Variants in CAMSAP2 observed in about 807,000 individuals in gnomAD.
CAMSAP2 encodes calmodulin regulated spectrin associated protein family member 2, also known as calmodulin-regulated spectrin-associated protein 2.
Under a neutral mutation model 146.1 loss-of-function variants are expected in CAMSAP2, and 26 were observed. That is an observed-to-expected ratio of 0.18 (90% CI 0.13 to 0.25). The LOEUF (loss-of-function observed/expected upper bound fraction) is 0.25, where lower values mean the gene tolerates loss of function less well. CAMSAP2 is among the 10% of genes least tolerant of loss of function. CAMSAP2 has a pLI of 1.00. For synonymous variants in CAMSAP2, 499 were observed against 596.6 expected, an observed-to-expected ratio of 0.84 and a Z score of 2.38; for missense variants, 1,381 against 1,759.3, an observed-to-expected ratio of 0.78 and a Z score of 3.85.
At chr1:200,840,393 C>T (rs1393269638) in intron 6 of CAMSAP2, among the ~76,000 whole-genome samples, 1 of 152,014 alleles carries the variant, frequency 6.6e-6, no homozygotes, top group Admixed American at 6.6e-5. Flanking sequence ...CCCTAGCCTC[C>T]CAAGCAGCTA....
intron 15 of CAMSAP2, 53 bp downstream of exon 15, chr1:200,856,178 T>C: frequency 7.5e-7 from 1 of 1,328,352 alleles, no homozygotes; most frequent in Non-Finnish European, 1.1e-6. Context: ...CACTCATAAA[T>C]GGAGGGTGTA....
At chr1:200,802,566 A>G (rs908793687) in intron 2 of CAMSAP2, among the ~76,000 whole-genome samples, 1 of 152,142 alleles carries the variant, frequency 6.6e-6, no homozygotes, top group Non-Finnish European at 1.5e-5. Context: ...CTAGTACCTC[A>G]TGTTTGTGAT....
chr1:200,789,537 A>T (rs1288677721), intron 2 of CAMSAP2, among the ~76,000 whole-genome samples: 1 of 152,156 alleles, frequency 6.6e-6, no homozygotes, highest in Admixed American at 6.5e-5. Flanking sequence ...TTCTTTTGCC[A>T]GTACCACATT....
At chr1:200,798,202 A>C (rs1665938477) in intron 2 of CAMSAP2, among the ~76,000 whole-genome samples, 1 of 150,178 alleles carries the variant, frequency 6.7e-6, no homozygotes, top group Non-Finnish European at 1.5e-5. Context: ...AATTCTGTGA[A>C]GAAAGTCATT....
At chr1:200,838,175 T>A (rs1219508321) in intron 6 of CAMSAP2, among the ~76,000 whole-genome samples, 1 of 152,156 alleles carries the variant, frequency 6.6e-6, no homozygotes, top group Non-Finnish European at 1.5e-5. Flanking sequence ...TGTGGCCAAA[T>A]AGTACAATTA....
At chr1:200,786,558 A>C (rs904907266) in intron 2 of CAMSAP2, among the ~76,000 whole-genome samples, 1 of 150,330 alleles carries the variant, frequency 6.7e-6, no homozygotes, top group Non-Finnish European at 1.5e-5. Context: ...TAATGTTTGT[A>C]TTTTTAGTAG....
At position 200,816,603 on chromosome 1, in the gene CAMSAP2, AAAAT is replaced by A. The variant is rs1293150648; in HGVS notation, c.645+961_645+964del. Among the ~76,000 whole-genome samples, 5 of 110,928 alleles carry A rather than the reference AAAAT, an allele frequency of 4.5e-5. No individual in the cohort carries two copies. The East Asian group carries it at 8.0e-4, about 18-fold the overall frequency. 72.8% of individuals were successfully genotyped at this position (110,928 alleles called of 152,430 possible). On this transcript the variant is annotated intron_variant, in intron 4 of 16. Transcript: ENST00000358823. ...GAGCAAAACTTCATCTCAAAAAAAA[AAAAT>A]ATATATATATATATATATGTATATA... is the stretch of plus-strand genomic sequence containing the variant.
intron 2 of CAMSAP2, among the ~76,000 whole-genome samples, chr1:200,768,593 G>A (rs1426529827): frequency 6.6e-6 from 1 of 152,116 alleles, no homozygotes; most frequent in East Asian, 1.9e-4. Context: ...AATAGCTGGA[G>A]GCCTGAACTA....
chr1:200,807,350 T>G (rs746836477), intron 2 of CAMSAP2, 26 bp from the exon 3 acceptor site: 6 of 1,445,014 alleles, frequency 4.2e-6, no homozygotes, highest in South Asian at 3.2e-5. Flanking sequence ...ATTTTTAAAC[T>G]ATTTGTTCTT....
chr1:200,756,957 CT>C (rs979101087), intron 1 of CAMSAP2, among the ~76,000 whole-genome samples: 2 of 151,266 alleles, frequency 1.3e-5, no homozygotes, highest in Admixed American at 6.6e-5. Context: ...TGGGTTTAAA[CT>C]TTTTTTTTGT....
intron 6 of CAMSAP2, among the ~76,000 whole-genome samples, chr1:200,840,957 T>C (rs902738523): frequency 1.3e-5 from 2 of 152,214 alleles, no homozygotes; most frequent in Non-Finnish European, 2.9e-5. Flanking sequence ...ACAGCTTTTA[T>C]TTTATATGCA....
At chr1:200,783,027 A>C (rs1024611841) in intron 2 of CAMSAP2, among the ~76,000 whole-genome samples, 1 of 150,800 alleles carries the variant, frequency 6.6e-6, no homozygotes, top group Non-Finnish European at 1.5e-5. Flanking sequence ...CGGCCTCCCA[A>C]AGTACTGGAT....
intron 2 of CAMSAP2, among the ~76,000 whole-genome samples, chr1:200,771,039 C>G (rs1665101835): frequency 6.6e-6 from 1 of 151,946 alleles, no homozygotes; most frequent in South Asian, 2.1e-4. Context: ...GTGGATTATA[C>G]CATGTATTGA....
intron 2 of CAMSAP2, among the ~76,000 whole-genome samples, chr1:200,789,302 T>TA (rs1665683093): frequency 6.6e-6 from 1 of 152,224 alleles, no homozygotes; most frequent in East Asian, 1.9e-4. Context: ...CTAGAAGTTT[T>TA]ATAGTTTTGT....
In CAMSAP2 at chr1:200,857,356, C is replaced by G; in HGVS notation, c.4063C>G (p.Gln1355Glu). 6.2e-7 allele frequency: 1 copy of G among 1,613,632 alleles called. No individual in the cohort carries two copies. Among genetic ancestry groups the G allele is most frequent in the Non-Finnish European group, 8.5e-7 (1 of 1,179,742 alleles). ...PSAKSNKHII[Q>E]NALAHCCLAG... The stretch of plus-strand genomic sequence containing the variant: ...TGCAAAATCCAATAAGCACATAATA[C>G]AAAATGCTTTAGCTCATTGCTGTTT... Residue 1355 changes from glutamine to glutamate, a missense_variant, in exon 16 of 17, where the codon CAA (glutamine) becomes GAA (glutamate). This residue lies in a region of CAMSAP2 where 90 missense variants were observed against 174.4 expected (regional missense o/e 0.52). Coordinates refer to ENST00000358823, the MANE Select transcript of CAMSAP2 (RefSeq NM_203459.4). This position sits in a 1 kb window ranked among gnomAD's most constrained non-coding sequence, Gnocchi z 4.7.
Position 200,849,950 on chromosome 1 carries a change from G to A in CAMSAP2, c.3181G>A (p.Glu1061Lys). Reference protein sequence around the residue: ...EQRGHNPEEKEIKPFESTVSE... With the variant: ...EQRGHNPEEKKIKPFESTVSE... ...GCGTGGACATAATCCAGAAGAAAAGGAAATCAAACCTTTTGAGTCAACAGT... is the reference window on the plus strand; with the variant it reads ...GCGTGGACATAATCCAGAAGAAAAGAAAATCAAACCTTTTGAGTCAACAGT... Residue 1061 changes from glutamate to lysine, a missense_variant, in exon 11 of 17, where the codon GAA becomes AAA. By Grantham distance (56) the Glu-to-Lys change is moderately conservative (BLOSUM62 1). Coordinates refer to ENST00000358823, the MANE Select transcript of CAMSAP2 (RefSeq NM_203459.4). The surrounding 1 kb of genome is among the most constrained non-coding windows in gnomAD (Gnocchi z 6.3). 1 of 1,614,106 alleles carries A rather than the reference G, an allele frequency of 6.2e-7. No individual in the cohort carries two copies. The highest frequency in any genetic ancestry group is 8.5e-7 in the Non-Finnish European group (1 of 1,180,022).
At chr1:200,814,725 A>T (rs1380085567) in intron 3 of CAMSAP2, among the ~76,000 whole-genome samples, 2 of 151,928 alleles carry the variant, frequency 1.3e-5, no homozygotes, top group Non-Finnish European at 2.9e-5. Flanking sequence ...TGATAAATAT[A>T]ATTAGAAAAG....
intron 7 of CAMSAP2, among the ~76,000 whole-genome samples, chr1:200,842,592 T>G (rs1667352186): frequency 6.6e-6 from 1 of 152,146 alleles, no homozygotes; most frequent in Non-Finnish European, 1.5e-5. Context: ...CCCCTAGATA[T>G]AAGGAACAAA....
intron 2 of CAMSAP2, among the ~76,000 whole-genome samples, chr1:200,784,178 T>C (rs760483157): frequency 3.3e-5 from 5 of 152,194 alleles, no homozygotes; most frequent in Non-Finnish European, 7.3e-5. Context: ...TTGACTAATG[T>C]AGCTTCATAA....
Sources: gnomAD v4.1 joint callset for allele counts (sites outside exome capture counted in the v4.1 genomes callset) on GRCh38, gnomAD v4.1.1 for gene constraint, gnomAD v4.1.1 regional missense constraint, Gnocchi (gnomAD v3.1) non-coding constraint, MANE v1.5 for transcripts, NCBI Gene and HGNC (gene_info 2026-07-23, HGNC 2026-07-21) for gene names.